The following ENAH variants were observed in gnomAD, a reference collection of about 807,000 sequenced individuals.
The protein encoded by ENAH is ENAH actin regulator.
Under a neutral mutation model 78.7 loss-of-function variants are expected in ENAH, and 23 were observed. The ratio of observed to expected loss-of-function variants is 0.29; its 90% CI spans 0.21 to 0.41. ENAH has a LOEUF of 0.41. Ranked by LOEUF, ENAH falls within the 10% of genes least tolerant of loss-of-function variation. The pLI, the probability that ENAH is intolerant of heterozygous loss-of-function variation, is 1.00. For missense variants in ENAH, 544 were observed against 691.0 expected (o/e 0.79, Z 2.39); for synonymous variants, 226 against 241.0 (o/e 0.94, Z 0.58).
chr1:225,490,424 T>A lies in ENAH; in HGVS notation c.*7351A>T, dbSNP rs1378089051. On this transcript the variant is annotated 3_prime_UTR_variant, in exon 14 of 14. Transcript: ENST00000366843. ...CCCATCTCTACTAAAAATACAAAAA[T>A]TAGTCGGGCATGGTGGCACGCGCCT... 1 of 151,956 alleles carries A rather than the reference T, an allele frequency of 6.6e-6. No individual in the cohort carries two copies. The highest frequency in any genetic ancestry group is 1.5e-5 in the Non-Finnish European group (1 of 68,016). 9.4% of individuals were successfully genotyped at this position (151,956 alleles called of 1,614,324 possible). A position where few individuals can be genotyped will look rare whatever the true frequency, so the allele number is the denominator to read the frequency against.
chr1:225,633,060 G>A (rs987507674), intron 1 of ENAH, among the ~76,000 whole-genome samples: 1 of 150,554 alleles, frequency 6.6e-6, no homozygotes, highest in African/African-American at 2.5e-5. Context: ...TTTTGAGATG[G>A]AGTCTTGCTC....
intron 3 of ENAH, among the ~76,000 whole-genome samples, chr1:225,546,270 T>C (rs1451171277): frequency 1.3e-5 from 2 of 152,166 alleles, no homozygotes; most frequent in African/African-American, 4.8e-5. Context: ...TAAGCTACTA[T>C]CAAATATTCA....
At chr1:225,576,925 A>C (rs1455209653) in intron 1 of ENAH, among the ~76,000 whole-genome samples, 1 of 152,172 alleles carries the variant, frequency 6.6e-6, no homozygotes, top group Non-Finnish European at 1.5e-5. Flanking sequence ...GCTGGAGCCC[A>C]GGAGTTCAAG....
chr1:225,513,714 G>A (rs569987410), intron 7 of ENAH, among the ~76,000 whole-genome samples: 29 of 151,888 alleles, frequency 1.9e-4, no homozygotes, highest in African/African-American at 6.0e-4. Flanking sequence ...TGTGTAGGCC[G>A]GGTGCGATGG....
intron 4 of ENAH, among the ~76,000 whole-genome samples, chr1:225,520,959 AGGGAGGGAGG>A (rs1290726848): frequency 1.1e-3 from 5 of 4,734 alleles, no homozygotes; most frequent in South Asian, 6.8e-3. Context: ...GGAGGGAGGG[AGGGAGGGAGG>A]GAGGGAGACA....
In ENAH at chr1:225,496,968, G is replaced by C. The variant is rs1438206230; in HGVS notation, c.*807C>G. 2 of 152,550 alleles carry C rather than the reference G, an allele frequency of 1.3e-5. No individual in the cohort carries two copies. The highest frequency in any genetic ancestry group is 4.8e-5 in the African/African-American group (2 of 41,418). The allele number at this position is 152,550 out of a possible 1,614,324, so 9.4% of individuals were successfully genotyped here. ...TGTCCACATGCATAAATCTAAAAAA[G>C]GTTGAAAACCTACAGTAAATCTACA... On this transcript the variant is annotated 3_prime_UTR_variant, in exon 14 of 14. Coordinates refer to ENST00000366843, the MANE Select transcript of ENAH (RefSeq NM_018212.6).
At chr1:225,646,824 G>T (rs1287608794) in intron 1 of ENAH, among the ~76,000 whole-genome samples, 12 of 152,006 alleles carry the variant, frequency 7.9e-5, no homozygotes, top group Non-Finnish European at 4.4e-5. Flanking sequence ...ATAATTTTCT[G>T]TTGTTTAAGC....
chr1:225,597,442 T>C (rs1301179298), intron 1 of ENAH, among the ~76,000 whole-genome samples: 2 of 152,106 alleles, frequency 1.3e-5, no homozygotes, highest in Admixed American at 6.5e-5. Flanking sequence ...GGAGGATCTC[T>C]TGGGCCCAGG....
In ENAH at chr1:225,497,060, A is replaced by C. The variant is rs2096252905; in HGVS notation, c.*715T>G. 1 of 152,766 alleles carries C rather than the reference A, an allele frequency of 6.5e-6. No individual in the cohort carries two copies. The highest frequency in any genetic ancestry group is 3.4e-3 in the Middle Eastern group (1 of 294). The allele number at this position is 152,766 out of a possible 1,614,324, so 9.5% of individuals were successfully genotyped here. A position where few individuals can be genotyped will look rare whatever the true frequency, so the allele number is the denominator to read the frequency against. On this transcript the variant is annotated 3_prime_UTR_variant, in exon 14 of 14. Coordinates refer to ENST00000366843, the MANE Select transcript of ENAH (RefSeq NM_018212.6). ...AGTCATAGATTTGGTAAAGCATTGT[A>C]ACAATTTAGGAAGGCATCTAAATCT...
chr1:225,552,929 G>A (rs1236600928), intron 3 of ENAH, among the ~76,000 whole-genome samples: 1 of 152,082 alleles, frequency 6.6e-6, no homozygotes, highest in Non-Finnish European at 1.5e-5. Flanking sequence ...TCATTAATTT[G>A]AAAAGATCAA....
At chr1:225,535,625 A>G in intron 3 of ENAH, 8 of 934,736 alleles carry the variant, frequency 8.6e-6, no homozygotes, top group Non-Finnish European at 1.2e-5. Context: ...GAAGAACTTC[A>G]CATAAACTAA....
intron 1 of ENAH, among the ~76,000 whole-genome samples, chr1:225,617,193 G>A (rs935282726): frequency 6.6e-6 from 1 of 152,012 alleles, no homozygotes; most frequent in Non-Finnish European, 1.5e-5. Context: ...AAAAGAAAAG[G>A]ACATTTCCAT....
chr1:225,560,045 C>T (rs1262065203), intron 2 of ENAH, among the ~76,000 whole-genome samples: 1 of 152,308 alleles, frequency 6.6e-6, no homozygotes, highest in Admixed American at 6.5e-5. Context: ...AAAGGAGACA[C>T]CGAGTCAAAG....
intron 2 of ENAH, among the ~76,000 whole-genome samples, chr1:225,565,238 C>A (rs1460165771): frequency 6.6e-6 from 1 of 152,050 alleles, no homozygotes; most frequent in Non-Finnish European, 1.5e-5. Context: ...GAGTTCAAAA[C>A]CAGCCTGACC....
chr1:225,613,095 T>C (rs2097000596), intron 1 of ENAH, among the ~76,000 whole-genome samples: 1 of 152,202 alleles, frequency 6.6e-6, no homozygotes, highest in African/African-American at 2.4e-5. Flanking sequence ...TCTTCCTACT[T>C]TCTGTCCCTT....
At chr1:225,647,643 TAATTA>T (rs1447054325) in intron 1 of ENAH, among the ~76,000 whole-genome samples, 1 of 152,202 alleles carries the variant, frequency 6.6e-6, no homozygotes, top group Non-Finnish European at 1.5e-5. Context: ...TTTGCTTGCT[TAATTA>T]AATTATGTTA....
At chr1:225,582,127 A>T (rs2096821714) in intron 1 of ENAH, among the ~76,000 whole-genome samples, 1 of 151,836 alleles carries the variant, frequency 6.6e-6, no homozygotes, top group Non-Finnish European at 1.5e-5. Context: ...TATTCCTTTG[A>T]TAGTAAGTTC....
chr1:225,569,937 G>T (rs1016421438), intron 1 of ENAH, among the ~76,000 whole-genome samples: 6 of 152,094 alleles, frequency 3.9e-5, no homozygotes, highest in African/African-American at 1.4e-4. Context: ...GGGGCGCAGT[G>T]GCTCACACCT....
intron 1 of ENAH, among the ~76,000 whole-genome samples, chr1:225,574,393 G>A (rs1244807545): frequency 6.6e-6 from 1 of 152,134 alleles, no homozygotes; most frequent in Non-Finnish European, 1.5e-5. Flanking sequence ...CTGAGGTCAG[G>A]AGTTCGAGAC....
Sources: gnomAD v4.1 joint callset for allele counts (sites outside exome capture counted in the v4.1 genomes callset) on GRCh38, gnomAD v4.1.1 for gene constraint, MANE v1.5 for transcripts, NCBI Gene and HGNC (gene_info 2026-07-23, HGNC 2026-07-21) for gene names.